Variants in SGK1 observed in about 807,000 individuals in gnomAD.
The protein encoded by SGK1 is serine/threonine-protein kinase Sgk1.
In SGK1, 26 loss-of-function variants were observed where a neutral mutation model predicts 64.2. That is an observed-to-expected ratio of 0.40 (90% CI 0.30 to 0.56). The LOEUF is 0.56. Ranked by LOEUF, SGK1 falls within the 20% of genes least tolerant of loss-of-function variation. The probability of loss-of-function intolerance (pLI) is 0.38; values close to 1 mark genes in which losing one functional copy is unlikely to be tolerated. For missense variants in SGK1, 519 were observed against 645.6 expected (o/e 0.80, Z 2.12); for synonymous variants, 265 against 239.7 (o/e 1.11, Z -0.98).
chr6:134,178,854 G>A (rs1323668283), intron 3 of SGK1, among the ~76,000 whole-genome samples: 1 of 152,152 alleles, frequency 6.6e-6, no homozygotes, highest in Non-Finnish European at 1.5e-5. Context: ...ATGTCTCGGT[G>A]CTGGGAAAAC....
intron 2 of SGK1, chr6:134,260,485 A>G (rs1222184428): frequency 4.0e-5 from 6 of 151,424 alleles, no homozygotes; most frequent in African/African-American, 1.2e-4. Context: ...CAGCCTGACC[A>G]ACATAGAGAA....
At chr6:134,185,275 A>G (rs1775403230) in intron 3 of SGK1, among the ~76,000 whole-genome samples, 1 of 152,212 alleles carries the variant, frequency 6.6e-6, no homozygotes, top group Non-Finnish European at 1.5e-5. Flanking sequence ...GAAGTTCTCC[A>G]TAATTTTTGT....
chr6:134,305,869 T>A (rs1200162402), intron 1 of SGK1, among the ~76,000 whole-genome samples: 1 of 152,170 alleles, frequency 6.6e-6, no homozygotes, highest in African/African-American at 2.4e-5. Flanking sequence ...TTTCAATTTC[T>A]ATATGAGTTT....
rs568024103 is a variant in SGK1 at position 134,171,225 on chromosome 6, T to C, written c.1168-47A>G. 1.9e-6 allele frequency: 3 copies of C among 1,543,128 alleles called. No individual in the cohort carries two copies. The African/African-American group carries it at 4.1e-5, about 21-fold the overall frequency. On this transcript the variant is annotated intron_variant, in intron 11 of 13. Coordinates refer to ENST00000367858, the MANE Select transcript of SGK1 (RefSeq NM_001143676.3). ...TTTAGACTTAATTGGAAGTTTCATATGGCACACATTACCAGTAGAGAAAAA... is the reference window on the plus strand; with the variant it reads ...TTTAGACTTAATTGGAAGTTTCATACGGCACACATTACCAGTAGAGAAAAA...
intron 2 of SGK1, among the ~76,000 whole-genome samples, chr6:134,241,440 C>T (rs9483665): frequency 0.014 from 2,139 of 151,956 alleles, 59 homozygotes; most frequent in African/African-American, 0.049. Flanking sequence ...CCTGCCACCT[C>T]GGCCTCCCAA....
At chr6:134,255,574 A>ATTTTT (rs11318242) in intron 2 of SGK1, among the ~76,000 whole-genome samples, 19 of 78,832 alleles carry the variant, frequency 2.4e-4, no homozygotes, top group Non-Finnish European at 2.9e-4. Context: ...AGAGATTTTG[A>ATTTTT]TTTTTTTTTT....
At chr6:134,193,989 GCACACT>G (rs1200574245) in intron 3 of SGK1, among the ~76,000 whole-genome samples, 2 of 151,798 alleles carry the variant, frequency 1.3e-5, no homozygotes, top group Non-Finnish European at 2.9e-5. Context: ...CATCCTCAAG[GCACACT>G]CACACTCACA....
chr6:134,286,627 G>A (rs962337369), intron 1 of SGK1, among the ~76,000 whole-genome samples: 10 of 151,978 alleles, frequency 6.6e-5, no homozygotes, highest in African/African-American at 2.2e-4. Flanking sequence ...CACGATGCCC[G>A]GCTAATTTTT....
At chr6:134,280,459 G>C (rs1156959530) in intron 1 of SGK1, among the ~76,000 whole-genome samples, 1 of 151,742 alleles carries the variant, frequency 6.6e-6, no homozygotes, top group Non-Finnish European at 1.5e-5. Context: ...TAATTTTTTT[G>C]TAGAGACAAG....
chr6:134,198,483 A>C (rs904834059), intron 3 of SGK1, among the ~76,000 whole-genome samples: 1 of 152,158 alleles, frequency 6.6e-6, no homozygotes, highest in African/African-American at 2.4e-5. Context: ...TCAAGAGAAA[A>C]AATCTAGAAA....
chr6:134,315,109 T>C (rs898697072), intron 1 of SGK1, among the ~76,000 whole-genome samples: 2 of 152,234 alleles, frequency 1.3e-5, no homozygotes, highest in South Asian at 2.1e-4. Context: ...TAGATGTATT[T>C]ACATATTGTT....
At chr6:134,278,316 C>CT (rs1428718855) in intron 1 of SGK1, among the ~76,000 whole-genome samples, 1 of 152,134 alleles carries the variant, frequency 6.6e-6, no homozygotes, top group African/African-American at 2.4e-5. Flanking sequence ...ATTTTATGCC[C>CT]TTAAGGGCAG....
chr6:134,230,885 G>A (rs1245385801), intron 2 of SGK1, among the ~76,000 whole-genome samples: 9 of 152,060 alleles, frequency 5.9e-5, no homozygotes, highest in South Asian at 2.1e-4. Flanking sequence ...GTGGTGGCAC[G>A]TGCCTGTAAT....
rs190193872 is a variant in SGK1, at chr6:134,262,080, G to A, written c.138C>T (p.Thr46=). ...DKHQSPSLKY[T]GSSMVHIPPG... The stretch of plus-strand genomic sequence containing the variant: ...GAGGGATGTGCACCATGGAGGAGCC[G>A]GTGTACTTCAGGCTGGGACTCTGAT... Residue 46 remains threonine (T), a synonymous_variant, in exon 2 of 14, where the codon ACC becomes ACT. Transcript: ENST00000367858. 93 of 1,613,254 alleles carry A rather than the reference G, an allele frequency of 5.8e-5. No individual in the cohort carries two copies. The highest frequency in any genetic ancestry group is 3.5e-4 in the African/African-American group (26 of 75,034).
chr6:134,251,255 TTAAACTTTGCTTA>T (rs1776601451), intron 2 of SGK1, among the ~76,000 whole-genome samples: 1 of 152,206 alleles, frequency 6.6e-6, no homozygotes, highest in Admixed American at 6.5e-5. Flanking sequence ...TGGCATGCAG[TTAAACTTTGCTTA>T]TCCCTTAAAT....
At chr6:134,256,543 A>G (rs1236846806) in intron 2 of SGK1, among the ~76,000 whole-genome samples, 1 of 152,170 alleles carries the variant, frequency 6.6e-6, no homozygotes, top group Non-Finnish European at 1.5e-5. Context: ...TCTAGATACT[A>G]AAGGTGCCGT....
intron 2 of SGK1, among the ~76,000 whole-genome samples, chr6:134,223,404 T>C (rs1776122304): frequency 6.6e-6 from 1 of 151,960 alleles, no homozygotes; most frequent in Admixed American, 6.6e-5. Flanking sequence ...AAATGATTCT[T>C]AGGCCTAGGT....
intron 2 of SGK1, among the ~76,000 whole-genome samples, chr6:134,226,341 CT>C (rs1259920026): frequency 4.0e-5 from 6 of 148,338 alleles, no homozygotes; most frequent in South Asian, 4.2e-4. Context: ...CCTGCCCCCC[CT>C]CATCCAAAAA....
chr6:134,233,809 CTTTTTTTT>C (rs961526943), intron 2 of SGK1, among the ~76,000 whole-genome samples: 1 of 144,646 alleles, frequency 6.9e-6, no homozygotes, highest in African/African-American at 2.5e-5. Context: ...GATTCTGATT[CTTTTTTTT>C]TTTGGCCAGA....
Sources: gnomAD v4.1 joint callset for allele counts (sites outside exome capture counted in the v4.1 genomes callset) on GRCh38, gnomAD v4.1.1 for gene constraint, MANE v1.5 for transcripts, NCBI Gene and HGNC (gene_info 2026-07-23, HGNC 2026-07-21) for gene names.